The following SEC24D variants were observed in gnomAD, a reference collection of about 807,000 sequenced individuals.
SEC24D encodes protein transport protein Sec24D.
SEC24D carries 69 observed loss-of-function variants against 116.9 expected under a neutral mutation model. The observed-to-expected ratio is 0.59, with a 90% CI of 0.49 to 0.72. The LOEUF is 0.72. SEC24D is among the 30% of genes least tolerant of loss of function. SEC24D has a pLI of 0.00. For missense variants in SEC24D, 1,131 were observed against 1,264.1 expected (o/e 0.89, Z 1.60); for synonymous variants, 405 against 442.8 (o/e 0.91, Z 1.07).
At chr4:118,735,512 TTTTG>T (rs986877745) in intron 19 of SEC24D, among the ~76,000 whole-genome samples, 4 of 152,146 alleles carry the variant, frequency 2.6e-5, no homozygotes, top group East Asian at 1.9e-4. Context: ...ATGAGGTTTT[TTTTG>T]TTTTTCTTTT....
chr4:118,820,190 T>G (rs1730338276), intron 3 of SEC24D, among the ~76,000 whole-genome samples: 1 of 150,958 alleles, frequency 6.6e-6, no homozygotes, highest in Admixed American at 6.6e-5. Context: ...TTTTTTTTTT[T>G]TTTTTTTGAG....
At chr4:118,780,665 T>C (rs182695367) in intron 8 of SEC24D, among the ~76,000 whole-genome samples, 28 of 152,226 alleles carry the variant, frequency 1.8e-4, no homozygotes, top group African/African-American at 6.5e-4. Context: ...TTGTTAACCT[T>C]CTGTCTCATT....
At chr4:118,821,907 A>C (rs879637844) in intron 3 of SEC24D, among the ~76,000 whole-genome samples, 9 of 152,186 alleles carry the variant, frequency 5.9e-5, no homozygotes, top group Non-Finnish European at 1.0e-4. Flanking sequence ...TTTTAACCCC[A>C]ATTCTAACCT....
chr4:118,829,999 C>G (rs898969967), intron 2 of SEC24D, among the ~76,000 whole-genome samples: 1 of 152,174 alleles, frequency 6.6e-6, no homozygotes, highest in South Asian at 2.1e-4. Flanking sequence ...ATAAAAGCGT[C>G]ACTAAAAGGC....
In SEC24D at chr4:118,751,176, C is replaced by CTTTTTTTTTTTTTTTTTTT. The variant is rs1185148886; in HGVS notation, c.1707+801_1707+819dup. Among the ~76,000 whole-genome samples the CTTTTTTTTTTTTTTTTTTT allele has an allele frequency of 8.3e-4, 83 of 100,326 alleles. 10 individuals are homozygous for CTTTTTTTTTTTTTTTTTTT. Among genetic ancestry groups the CTTTTTTTTTTTTTTTTTTT allele is most frequent in the East Asian group, 2.5e-3 (7 of 2,772 alleles). 65.8% of individuals were successfully genotyped at this position (100,326 alleles called of 152,430 possible). ...TAATAATGATGATTTAGAGTGAGGGCTTTTTTTTTTTTTTTTTTTGAGATG... is the reference window on the plus strand; with the variant it reads ...TAATAATGATGATTTAGAGTGAGGGCTTTTTTTTTTTTTTTTTTTTTTTTTTTTTTTTTTTTTTGAGATG... On this transcript the variant is annotated intron_variant, in intron 13 of 22. Transcript: ENST00000280551.
rs574539164 is a variant in SEC24D at position 118,783,174 on chromosome 4, C to T, written c.1041+14509G>A. Among the ~76,000 whole-genome samples the T allele has an allele frequency of 1.1e-3, 168 of 152,310 alleles. 1 individual carries two copies. The highest frequency in any genetic ancestry group is 1.7e-3 in the Non-Finnish European group (116 of 68,016). ...CTCAGTTGGAAATGCAGAAATCACC[C>T]GTCTTCTGCGTCAATCACGCTCAGA... is the stretch of plus-strand genomic sequence containing the variant. On this transcript the variant is annotated intron_variant, in intron 8 of 22. Transcript: ENST00000280551.
At chr4:118,776,018 G>A (rs1193711404) in intron 8 of SEC24D, among the ~76,000 whole-genome samples, 1 of 151,796 alleles carries the variant, frequency 6.6e-6, no homozygotes, top group African/African-American at 2.4e-5. Context: ...GATCCCAAGG[G>A]CCTACATTAC....
intron 8 of SEC24D, among the ~76,000 whole-genome samples, chr4:118,789,058 A>G (rs1340437022): frequency 6.6e-6 from 1 of 152,242 alleles, no homozygotes; most frequent in African/African-American, 2.4e-5. Context: ...GCTTCCAGGA[A>G]GAGCAAGAGG....
intron 13 of SEC24D, among the ~76,000 whole-genome samples, chr4:118,747,312 G>A (rs1186973633): frequency 6.7e-6 from 1 of 148,686 alleles, no homozygotes; most frequent in Non-Finnish European, 1.5e-5. Context: ...GTTGCCCCAG[G>A]GTGGAGTGCA....
chr4:118,805,870 T>C lies in SEC24D; in HGVS notation c.886A>G (p.Thr296Ala). The C allele has an allele frequency of 3.8e-6, 6 of 1,582,016 alleles. No individual in the cohort carries two copies. The highest frequency in any genetic ancestry group is 5.1e-6 in the Non-Finnish European group (6 of 1,167,122). Residue 296 changes from threonine to alanine, a missense_variant, in exon 7 of 23, where the codon ACT (threonine) becomes GCT (alanine). Physicochemically the swap from Thr to Ala is moderately conservative, Grantham distance 58. Transcript: ENST00000280551. The stretch of plus-strand genomic sequence containing the variant: ...TGGTCTTGTATCATGCAATCTGTAG[T>C]GACCAGGGGAGGGATCTGGCCTCTG... ...NTRGQIPPLVTTDCMIQDQGN... is the reference protein window; with the variant it reads ...NTRGQIPPLVATDCMIQDQGN...
chr4:118,820,502 T>A (rs1730355651), intron 3 of SEC24D, among the ~76,000 whole-genome samples: 1 of 152,128 alleles, frequency 6.6e-6, no homozygotes, highest in African/African-American at 2.4e-5. Context: ...TTCATTACTT[T>A]ATTGAAAGTC....
chr4:118,816,979 G>T, intron 4 of SEC24D: 2 of 354,502 alleles, frequency 5.6e-6, no homozygotes, highest in Non-Finnish European at 1.0e-5. Context: ...CTATTCTAAT[G>T]TTTATTTGTG....
At chr4:118,725,079 C>T (rs1394051372) in intron 22 of SEC24D, among the ~76,000 whole-genome samples, 1 of 152,058 alleles carries the variant, frequency 6.6e-6, no homozygotes, top group Non-Finnish European at 1.5e-5. Context: ...TCCTTTATAA[C>T]GTTTCGGCCT....
chr4:118,744,045 C>T lies in SEC24D; in HGVS notation c.1938G>A (p.Ser646=), dbSNP rs142656514. The T allele has an allele frequency of 4.1e-4, 658 of 1,613,234 alleles. No individual in the cohort carries two copies. The highest frequency in any genetic ancestry group is 5.2e-4 in the Non-Finnish European group (617 of 1,179,570). The change falls in exon 15 of 23, where the codon TCG becomes TCA. Residue 646 remains serine (S), a synonymous_variant. Transcript: ENST00000280551. The stretch of plus-strand genomic sequence containing the variant: ...CAGTGAGCTGAGGAACCAGCCCCAG[C>T]GAGGCCACGTCCACATACTGACTAG... ...LFPSQYVDVA[S]LGLVPQLTGG...
At chr4:118,781,586 G>A (rs1375725755) in intron 8 of SEC24D, among the ~76,000 whole-genome samples, 2 of 152,086 alleles carry the variant, frequency 1.3e-5, no homozygotes, top group Non-Finnish European at 2.9e-5. Flanking sequence ...TCTTCTCGAG[G>A]AGTATCTTTG....
chr4:118,723,695 T>TA, intron 22 of SEC24D, 40 bp from the exon 23 acceptor site: 3 of 1,580,650 alleles, frequency 1.9e-6, no homozygotes, highest in Non-Finnish European at 2.6e-6. Flanking sequence ...CCCCTGGTTA[T>TA]AAACATTATT....
intron 2 of SEC24D, among the ~76,000 whole-genome samples, chr4:118,825,061 T>C (rs1730543761): frequency 6.6e-6 from 1 of 152,134 alleles, no homozygotes; most frequent in Non-Finnish European, 1.5e-5. Context: ...ACGCAAAGAA[T>C]ACTAAAACAC....
intron 9 of SEC24D, among the ~76,000 whole-genome samples, chr4:118,767,740 G>T (rs1727706315): frequency 6.6e-6 from 1 of 151,956 alleles, no homozygotes. Context: ...ATCTATATAA[G>T]TGTTAAAGCC....
chr4:118,731,838 C>T (rs1331482884), intron 20 of SEC24D, among the ~76,000 whole-genome samples: 1 of 151,990 alleles, frequency 6.6e-6, no homozygotes, highest in Non-Finnish European at 1.5e-5. Context: ...TCCAGGGAGC[C>T]CACAAACTTT....
Sources: gnomAD v4.1 joint callset for allele counts (sites outside exome capture counted in the v4.1 genomes callset) on GRCh38, gnomAD v4.1.1 for gene constraint, MANE v1.5 for transcripts, NCBI Gene and HGNC (gene_info 2026-07-23, HGNC 2026-07-21) for gene names.